The following HDAC1 variants were observed in gnomAD, a reference collection of about 807,000 sequenced individuals.
HDAC1 encodes the protein histone deacetylase 1.
Under a neutral mutation model 65.5 loss-of-function variants are expected in HDAC1, and 18 were observed. The observed-to-expected ratio is 0.27, with a 90% CI of 0.19 to 0.41. The LOEUF is 0.41. Among genes scored for constraint, HDAC1 ranks in the 10% least tolerant of loss-of-function variants. The pLI is 1.00. For missense variants in HDAC1, 373 were observed against 625.2 expected (o/e 0.60, Z 4.30); for synonymous variants, 211 against 227.9 (o/e 0.93, Z 0.67).
chr1:32,294,104 G>A (rs1267394499), intron 1 of HDAC1, among the ~76,000 whole-genome samples: 2 of 152,018 alleles, frequency 1.3e-5, no homozygotes, highest in Non-Finnish European at 2.9e-5. Flanking sequence ...GATTGTAGGG[G>A]TAAGGAAGAA....
intron 2 of HDAC1, among the ~76,000 whole-genome samples, chr1:32,313,662 T>C (rs1021344134): frequency 2.6e-5 from 4 of 152,338 alleles, no homozygotes; most frequent in Admixed American, 2.6e-4. Flanking sequence ...ATCATTTAGT[T>C]ATAACGTTGA....
chr1:32,300,805 T>C (rs559640442), intron 1 of HDAC1, among the ~76,000 whole-genome samples: 3 of 152,280 alleles, frequency 2.0e-5, no homozygotes, highest in Admixed American at 1.3e-4. Flanking sequence ...GGAGCACAGG[T>C]TGGCAAACTT....
chr1:32,330,292 C>G lies in HDAC1; in HGVS notation c.730-286C>G. 2.6e-6 allele frequency: 1 copy of G among 388,962 alleles called. No homozygotes were observed. Among genetic ancestry groups the G allele is most frequent in the Non-Finnish European group, 4.8e-6 (1 of 209,326 alleles). The allele number at this position is 388,962 out of a possible 1,614,324, so 24.1% of individuals were successfully genotyped here. ...GGAAGGCTTCCTGGAGGAAGTGGCACTAGAGCTTGGGCAACAGAAGAGACT... is the reference window on the plus strand; with the variant it reads ...GGAAGGCTTCCTGGAGGAAGTGGCAGTAGAGCTTGGGCAACAGAAGAGACT... On this transcript the variant is annotated intron_variant, in intron 7 of 13. Coordinates refer to ENST00000373548, the MANE Select transcript of HDAC1 (RefSeq NM_004964.3). This position sits in a 1 kb window ranked among gnomAD's most constrained non-coding sequence, Gnocchi z 4.2.
intron 1 of HDAC1, among the ~76,000 whole-genome samples, chr1:32,300,214 C>T (rs1640828255): frequency 6.6e-6 from 1 of 152,132 alleles, no homozygotes; most frequent in African/African-American, 2.4e-5. Flanking sequence ...TATTGAGCCT[C>T]TGTGATATAC....
intron 1 of HDAC1, among the ~76,000 whole-genome samples, chr1:32,292,617 G>T (rs565298489): frequency 2.6e-5 from 4 of 152,166 alleles, no homozygotes; most frequent in African/African-American, 9.6e-5. Context: ...CTTTTCTGGG[G>T]GAAGAGTCCT....
intron 2 of HDAC1, among the ~76,000 whole-genome samples, chr1:32,310,884 C>T (rs1237729194): frequency 1.4e-5 from 2 of 138,926 alleles, no homozygotes; most frequent in Admixed American, 7.4e-5. Flanking sequence ...CAGAAAGAAA[C>T]AGGGAGAGGG....
At chr1:32,308,048 A>G (rs1640935038) in intron 2 of HDAC1, among the ~76,000 whole-genome samples, 1 of 152,206 alleles carries the variant, frequency 6.6e-6, no homozygotes, top group Non-Finnish European at 1.5e-5. Context: ...GGCCGGGCGC[A>G]GTGGCTCACG....
At position 32,332,198 on chromosome 1, in the gene HDAC1, T is replaced by C. The variant is rs754484369; in HGVS notation, c.1328T>C (p.Val443Ala). ...TCCAACTTCAAAAAAGCCAAGAGAGTCAAAACAGAGGATGAAAAAGAGAAA... is the reference window on the plus strand; with the variant it reads ...TCCAACTTCAAAAAAGCCAAGAGAGCCAAAACAGAGGATGAAAAAGAGAAA... The part of the protein sequence containing the change: ...NSSNFKKAKR[V>A]KTEDEKEKDP... Residue 443 changes from valine (V) to alanine (A), a missense_variant, in exon 12 of 14, where the codon GTC becomes GCC. By Grantham distance (64) the Val-to-Ala change is moderately conservative. Transcript: ENST00000373548. The C allele has an allele frequency of 6.2e-7, 1 of 1,611,824 alleles. No homozygotes were observed. Among genetic ancestry groups the C allele is most frequent in the South Asian group, 1.1e-5 (1 of 90,964 alleles).
chr1:32,305,704 A>G (rs903321846), intron 2 of HDAC1, among the ~76,000 whole-genome samples: 1 of 147,242 alleles, frequency 6.8e-6, no homozygotes, highest in Non-Finnish European at 1.5e-5. Flanking sequence ...TCTGCCTCCC[A>G]GGCTCAAGCC....
intron 2 of HDAC1, among the ~76,000 whole-genome samples, chr1:32,313,302 C>A (rs1411057388): frequency 6.6e-6 from 1 of 151,766 alleles, no homozygotes; most frequent in Non-Finnish European, 1.5e-5. Flanking sequence ...GCTGTGTTGG[C>A]CAGGGTGGTC....
chr1:32,296,131 T>G (rs1459474107), intron 1 of HDAC1, among the ~76,000 whole-genome samples: 1 of 152,196 alleles, frequency 6.6e-6, no homozygotes, highest in Non-Finnish European at 1.5e-5. Context: ...TGTCTACCTC[T>G]GTATCCCCAG....
intron 13 of HDAC1, 131 bp downstream of exon 13, chr1:32,332,880 C>A: frequency 8.7e-7 from 1 of 1,154,370 alleles, no homozygotes; most frequent in Non-Finnish European, 1.3e-6. Context: ...CCAGTCTGTC[C>A]AGCTCTGCAG....
At chr1:32,306,645 T>C (rs1440095025) in intron 2 of HDAC1, among the ~76,000 whole-genome samples, 1 of 152,142 alleles carries the variant, frequency 6.6e-6, no homozygotes, top group Non-Finnish European at 1.5e-5. Flanking sequence ...CACCAAGGTC[T>C]ATGTAGATCT....
In HDAC1 at chr1:32,331,430, C is replaced by CGGTGGCCA. The variant is rs1557613355; in HGVS notation, c.980-40_980-33dup. On this transcript the variant is annotated intron_variant, in intron 9 of 13. Coordinates refer to ENST00000373548, the MANE Select transcript of HDAC1 (RefSeq NM_004964.3). This position sits in a 1 kb window ranked among gnomAD's most constrained non-coding sequence, Gnocchi z 4.2. The stretch of plus-strand genomic sequence containing the variant: ...TGCTTACGTGCAAATGGTTAGGGTG[C>CGGTGGCCA]GGTGGCCAGGTCTCTTGACGGTCTT... 9.1e-7 allele frequency: 1 copy of CGGTGGCCA among 1,100,544 alleles called. No individual in the cohort carries two copies. Among genetic ancestry groups the CGGTGGCCA allele is most frequent in the South Asian group, 1.2e-5 (1 of 80,406 alleles). The allele number at this position is 1,100,544 out of a possible 1,614,324, so 68.2% of individuals were successfully genotyped here.
At chr1:32,304,850 C>A (rs1640891092) in intron 2 of HDAC1, among the ~76,000 whole-genome samples, 1 of 152,158 alleles carries the variant, frequency 6.6e-6, no homozygotes, top group South Asian at 2.1e-4. Flanking sequence ...AGGCATGAGC[C>A]ACCATACCCA....
At chr1:32,308,401 A>G (rs570740627) in intron 2 of HDAC1, among the ~76,000 whole-genome samples, 18 of 152,394 alleles carry the variant, frequency 1.2e-4, no homozygotes, top group African/African-American at 4.1e-4. Flanking sequence ...TTGTGATACC[A>G]ATATGGAAGA....
In HDAC1 at chr1:32,331,826, C is replaced by T. The variant is rs1217274429; in HGVS notation, c.1219+20C>T. On this transcript the variant is annotated intron_variant, in intron 11 of 13. Coordinates refer to ENST00000373548, the MANE Select transcript of HDAC1 (RefSeq NM_004964.3). This position sits in a 1 kb window ranked among gnomAD's most constrained non-coding sequence, Gnocchi z 4.2. The stretch of plus-strand genomic sequence containing the variant: ...TCTCGAGTGAGACCCAGACCTAGAG[C>T]CCTATGCCTTCCATTCAATAGGCAG... 7 of 1,584,442 alleles carry T rather than the reference C, an allele frequency of 4.4e-6. No homozygotes were observed. The highest frequency in any genetic ancestry group is 4.1e-5 in the African/African-American group (3 of 73,592).
At chr1:32,315,361 T>A (rs930923372) in intron 2 of HDAC1, among the ~76,000 whole-genome samples, 2 of 151,730 alleles carry the variant, frequency 1.3e-5, no homozygotes, top group Non-Finnish European at 2.9e-5. Flanking sequence ...TTTTTTAATT[T>A]ATTTTTTTGA....
At chr1:32,316,032 C>T (rs1641057710) in intron 2 of HDAC1, among the ~76,000 whole-genome samples, 1 of 150,042 alleles carries the variant, frequency 6.7e-6, no homozygotes, top group Non-Finnish European at 1.5e-5. Flanking sequence ...CCTGTAATCT[C>T]AGCACTTTGG....
Sources: gnomAD v4.1 joint callset for allele counts (sites outside exome capture counted in the v4.1 genomes callset) on GRCh38, gnomAD v4.1.1 for gene constraint, Gnocchi (gnomAD v3.1) non-coding constraint, MANE v1.5 for transcripts, NCBI Gene and HGNC (gene_info 2026-07-23, HGNC 2026-07-21) for gene names.